The following PNPLA1 variants were observed in gnomAD, a reference collection of about 807,000 sequenced individuals.
The protein encoded by PNPLA1 is omega-hydroxyceramide transacylase.
A neutral mutation model predicts 51.7 loss-of-function variants in PNPLA1; 36 were observed. The observed-to-expected ratio is 0.70, with a 90% CI of 0.53 to 0.92. The LOEUF (loss-of-function observed/expected upper bound fraction) is 0.92. Among genes scored for constraint, PNPLA1 ranks in the 40% least tolerant of loss-of-function variants. The pLI, the probability that PNPLA1 is intolerant of heterozygous loss-of-function variation, is 0.00. For missense variants in PNPLA1, 658 were observed against 682.5 expected (o/e 0.96, Z 0.40); for synonymous variants, 293 against 280.1 (o/e 1.05, Z -0.46).
chr6:36,302,600 C>G, intron 6 of PNPLA1, 131 bp downstream of exon 6: 2 of 1,261,694 alleles, frequency 1.6e-6, no homozygotes, highest in Non-Finnish European at 1.1e-6. Context: ...TTTAGCATCT[C>G]TGTCCATTAT....
chr6:36,302,151 C>A lies in PNPLA1; in HGVS notation c.1066C>A (p.Gln356Lys), dbSNP rs143487095. Residue 356 changes from glutamine (Q) to lysine (K), a missense_variant, in exon 6 of 9, where the codon CAG becomes AAG. Gln to Lys is a moderately conservative substitution (Grantham distance 53, BLOSUM62 1). Coordinates refer to ENST00000636260, the MANE Select transcript of PNPLA1 (RefSeq NM_001374623.1). ...PVSPLEQPPA[Q>K]PLASSTPLSL... ...CTCTCCACTTGAGCAGCCACCTGCA[C>A]AGCCACTGGCCTCTTCAACTCCACT... 18 of 1,614,116 alleles carry A rather than the reference C, an allele frequency of 1.1e-5. No individual in the cohort carries two copies. The highest frequency in any genetic ancestry group is 1.6e-4 in the Middle Eastern group (1 of 6,084).
chr6:36,285,578 T>G (rs1770463096), intron 1 of PNPLA1, among the ~76,000 whole-genome samples: 1 of 152,194 alleles, frequency 6.6e-6, no homozygotes, highest in Non-Finnish European at 1.5e-5. Flanking sequence ...GAATAGCGAC[T>G]TCTCTCTCTA....
At chr6:36,284,648 C>CA (rs1770426449) in intron 1 of PNPLA1, among the ~76,000 whole-genome samples, 1 of 152,092 alleles carries the variant, frequency 6.6e-6, no homozygotes, top group African/African-American at 2.4e-5. Context: ...GGCAAGATTT[C>CA]TTACCTGTAA....
intron 1 of PNPLA1, among the ~76,000 whole-genome samples, chr6:36,254,581 AC>A (rs1468701365): frequency 7.0e-6 from 1 of 143,028 alleles, no homozygotes; most frequent in African/African-American, 2.5e-5. Flanking sequence ...TCTCAAACAA[AC>A]AAAAAAAAAA....
At chr6:36,297,625 G>A (rs1260838371) in intron 5 of PNPLA1, among the ~76,000 whole-genome samples, 4 of 152,120 alleles carry the variant, frequency 2.6e-5, no homozygotes, top group Admixed American at 2.6e-4. Flanking sequence ...GTCTACACTC[G>A]GCCCATCCTT....
upstream of PNPLA1, among the ~76,000 whole-genome samples, chr6:36,268,561 G>A (rs755635469): frequency 3.9e-5 from 6 of 152,080 alleles, no homozygotes; most frequent in Non-Finnish European, 7.4e-5. Context: ...CCTCCCAGCT[G>A]CCTCCAGTCC....
intron 1 of PNPLA1, among the ~76,000 whole-genome samples, chr6:36,252,045 G>T (rs1421775109): frequency 6.6e-6 from 1 of 152,196 alleles, no homozygotes; most frequent in African/African-American, 2.4e-5. Flanking sequence ...TGAAGCAAAG[G>T]GGTGGGGAGA....
At chr6:36,281,485 C>T (rs1770280671) in intron 1 of PNPLA1, among the ~76,000 whole-genome samples, 1 of 152,182 alleles carries the variant, frequency 6.6e-6, no homozygotes, top group Non-Finnish European at 1.5e-5. Flanking sequence ...TTACTCTAAT[C>T]CCCTCACAAC....
intron 5 of PNPLA1, among the ~76,000 whole-genome samples, chr6:36,300,665 G>A (rs976523359): frequency 6.6e-6 from 1 of 152,154 alleles, no homozygotes; most frequent in African/African-American, 2.4e-5. Context: ...CCAACATGAC[G>A]TATCCCTGCT....
At chr6:36,245,854 C>T (rs1769266311) in intron 1 of PNPLA1, among the ~76,000 whole-genome samples, 1 of 152,198 alleles carries the variant, frequency 6.6e-6, no homozygotes, top group South Asian at 2.1e-4. Flanking sequence ...CCTGACTCCC[C>T]GCACAGTTTC....
upstream of PNPLA1, among the ~76,000 whole-genome samples, chr6:36,266,071 C>G (rs1769752909): frequency 6.6e-6 from 1 of 152,176 alleles, no homozygotes; most frequent in Non-Finnish European, 1.5e-5. Flanking sequence ...GAGAGGCCCA[C>G]TTGATGAGGC....
Position 36,293,094 on chromosome 6 carries a change from T to C in PNPLA1, c.472T>C (p.Cys158Arg). The change falls in exon 3 of 9, where the codon TGT becomes CGT. Residue 158 changes from cysteine (C) to arginine (R), a missense_variant. By Grantham distance (180) the Cys-to-Arg change is radical. Coordinates refer to ENST00000636260, the MANE Select transcript of PNPLA1 (RefSeq NM_001374623.1). ...LYCSCFVPVY[C>R]GLIPPTYRGV... ...CTGCAGCTGCTTCGTCCCGGTGTAC[T>C]GTGGCCTCATCCCCCCGACTTACCG... 1.2e-6 allele frequency: 2 copies of C among 1,614,080 alleles called. No homozygotes were observed. The highest frequency in any genetic ancestry group is 1.7e-6 in the Non-Finnish European group (2 of 1,179,982).
chr6:36,263,002 T>C (rs1769686181), intron 1 of PNPLA1, among the ~76,000 whole-genome samples: 1 of 152,230 alleles, frequency 6.6e-6, no homozygotes, highest in Non-Finnish European at 1.5e-5. Flanking sequence ...AAATAGATGG[T>C]GCCAAATTGC....
intron 5 of PNPLA1, among the ~76,000 whole-genome samples, chr6:36,301,513 C>G (rs1445914487): frequency 6.6e-6 from 1 of 151,996 alleles, no homozygotes. Flanking sequence ...GCTGAAACAC[C>G]CTCACCACCC....
At chr6:36,306,409 C>A (rs761915938) in intron 7 of PNPLA1, 33 bp downstream of exon 7, 23 of 1,571,686 alleles carry the variant, frequency 1.5e-5, no homozygotes, top group Non-Finnish European at 1.9e-5. Context: ...ACGCTCTTTC[C>A]TTTGGACGGA....
In PNPLA1 at chr6:36,282,209, G is replaced by GA. The variant is rs1324806437; in HGVS notation, c.206-9109dup. On this transcript the variant is annotated intron_variant, in intron 1 of 8. Coordinates refer to ENST00000636260, the MANE Select transcript of PNPLA1 (RefSeq NM_001374623.1). ...AGAAAGAAAGAAGGAAGGAAGGAAG[G>GA]AAGGGAAGGAAGGAAGGAAGGAAGG... 5.1e-5 allele frequency among the ~76,000 whole-genome samples: 3 copies of GA among 58,832 alleles called. No homozygotes were observed. In the Admixed American group the frequency reaches 5.4e-4, roughly 11 times the overall value. The allele number at this position is 58,832 out of a possible 152,430, so 38.6% of individuals were successfully genotyped here.
intron 2 of PNPLA1, among the ~76,000 whole-genome samples, chr6:36,292,344 C>T (rs111597865): frequency 6.9e-4 from 105 of 152,244 alleles, no homozygotes; most frequent in African/African-American, 2.5e-3. Context: ...GATCTGCCTC[C>T]TCACGCCCAC....
At chr6:36,273,968 G>A (rs1770012184) in intron 1 of PNPLA1, among the ~76,000 whole-genome samples, 1 of 152,070 alleles carries the variant, frequency 6.6e-6, no homozygotes. Flanking sequence ...GGTGAGGGAG[G>A]TATGTGTGGG....
At chr6:36,273,585 G>A (rs1310816851) in intron 1 of PNPLA1, among the ~76,000 whole-genome samples, 1 of 151,466 alleles carries the variant, frequency 6.6e-6, no homozygotes, top group Non-Finnish European at 1.5e-5. Context: ...TCACTCTTCT[G>A]TCTTTATGTC....
Sources: allele counts gnomAD v4.1 joint callset (sites outside exome capture counted in the v4.1 genomes callset), GRCh38; gene constraint gnomAD v4.1.1; transcripts MANE v1.5; gene names NCBI Gene and HGNC (gene_info 2026-07-23, HGNC 2026-07-21).